The following SERINC5 variants were observed in gnomAD, a reference collection of about 807,000 sequenced individuals.
SERINC5 encodes the protein chromosome 5 open reading frame 12.
In SERINC5, 41 loss-of-function variants were observed where a neutral mutation model predicts 63.1. That is an observed-to-expected ratio of 0.65 (90% CI 0.51 to 0.84). The LOEUF (loss-of-function observed/expected upper bound fraction) is 0.84, where lower values mean the gene tolerates loss of function less well. Ranked by LOEUF, SERINC5 falls within the 40% of genes least tolerant of loss-of-function variation. SERINC5 has a pLI of 0.00. For missense variants in SERINC5, 523 were observed against 573.0 expected (o/e 0.91, Z 0.89); for synonymous variants, 222 against 215.2 (o/e 1.03, Z -0.28).
chr5:80,213,043 G>C (rs1358614835), intron 1 of SERINC5, among the ~76,000 whole-genome samples: 1 of 152,094 alleles, frequency 6.6e-6, no homozygotes, highest in Non-Finnish European at 1.5e-5. Flanking sequence ...TCAGGAGTTT[G>C]AGACCAGCCT....
At chr5:80,255,834 C>A in intron 1 of SERINC5, 62 bp downstream of exon 1, 1 of 1,558,016 alleles carries the variant, frequency 6.4e-7, no homozygotes, top group Middle Eastern at 2.3e-4. Context: ...GTCCTCCACG[C>A]CTGGACTCCT....
chr5:80,140,909 A>C lies in SERINC5; in HGVS notation c.*2754T>G. On this transcript the variant is annotated 3_prime_UTR_variant, in exon 12 of 12. Transcript: ENST00000507668. ...TATACTCTTTAGGTCATGTACAAAA[A>C]GGTGTAGGAAGCAAATGTCTATTAT... 1 of 985,260 alleles carries C rather than the reference A, an allele frequency of 1.0e-6. No individual in the cohort carries two copies. Among genetic ancestry groups the C allele is most frequent in the Non-Finnish European group, 1.2e-6 (1 of 829,792 alleles). The allele number at this position is 985,260 out of a possible 1,614,324, so 61.0% of individuals were successfully genotyped here.
intron 8 of SERINC5, among the ~76,000 whole-genome samples, chr5:80,155,363 G>A (rs1746450806): frequency 6.6e-6 from 1 of 152,124 alleles, no homozygotes; most frequent in African/African-American, 2.4e-5. Flanking sequence ...TTGGGAGTTC[G>A]AGACCAGCCT....
chr5:80,119,455 A>G (rs1744457125), intron 11 of SERINC5, among the ~76,000 whole-genome samples: 1 of 152,222 alleles, frequency 6.6e-6, no homozygotes, highest in African/African-American at 2.4e-5. Context: ...TAAGCAGTGC[A>G]GGGATCAGCT....
At chr5:80,170,701 C>G (rs548827205) in intron 5 of SERINC5, among the ~76,000 whole-genome samples, 1 of 152,182 alleles carries the variant, frequency 6.6e-6, no homozygotes, top group Non-Finnish European at 1.5e-5. Flanking sequence ...AAACACAGAG[C>G]CCCGAAGCGC....
At chr5:80,124,712 C>G (rs974205054) in intron 11 of SERINC5, among the ~76,000 whole-genome samples, 6 of 152,172 alleles carry the variant, frequency 3.9e-5, no homozygotes, top group African/African-American at 1.4e-4. Context: ...TGACCATGGA[C>G]AGGGCCTGTG....
At chr5:80,182,550 CCCCCCT>C (rs1748515400) in intron 2 of SERINC5, among the ~76,000 whole-genome samples, 1 of 140,656 alleles carries the variant, frequency 7.1e-6, no homozygotes, top group African/African-American at 2.6e-5. Context: ...GACCGCCCCC[CCCCCCT>C]CCGCTTTTTT....
chr5:80,214,073 G>C lies in SERINC5; in HGVS notation c.28-11020C>G, dbSNP rs1750554299. On this transcript the variant is annotated intron_variant, in intron 1 of 11. Transcript: ENST00000507668. The stretch of plus-strand genomic sequence containing the variant: ...TAGATTTAAGATCAGTTAAATTACA[G>C]AAGGTTCATGTTGTAGAATATAATA... 9.2e-5 allele frequency among the ~76,000 whole-genome samples: 14 copies of C among 152,292 alleles called. No individual in the cohort carries two copies. The South Asian group carries it at 2.9e-3, about 32-fold the overall frequency.
At chr5:80,121,344 C>G (rs759556820) in intron 11 of SERINC5, among the ~76,000 whole-genome samples, 1 of 152,156 alleles carries the variant, frequency 6.6e-6, no homozygotes, top group Non-Finnish European at 1.5e-5. Context: ...TCTCACATGG[C>G]AGAGTAGAAT....
chr5:80,207,670 T>C (rs150072672), intron 1 of SERINC5, among the ~76,000 whole-genome samples: 5 of 152,336 alleles, frequency 3.3e-5, no homozygotes, highest in Non-Finnish European at 7.3e-5. Context: ...ATTACAAATA[T>C]ACATATGTAC....
intron 11 of SERINC5, chr5:80,128,818 A>G (rs1744836118): frequency 6.6e-6 from 1 of 152,156 alleles, no homozygotes; most frequent in East Asian, 1.9e-4. Context: ...CTGGAACATT[A>G]TAAGGAAATC....
At chr5:80,168,453 A>G (rs60704460) in intron 6 of SERINC5, among the ~76,000 whole-genome samples, 45,754 of 152,046 alleles carry the variant, frequency 0.3, 8,181 homozygotes, top group African/African-American at 0.5. Flanking sequence ...TGCCTGCCTC[A>G]GCCTCCCAAA....
At chr5:80,188,676 C>T (rs1580137455) in intron 2 of SERINC5, among the ~76,000 whole-genome samples, 2 of 151,990 alleles carry the variant, frequency 1.3e-5, no homozygotes, top group Non-Finnish European at 2.9e-5. Context: ...ACTTGAGCCC[C>T]GGAGTTCAAG....
chr5:80,150,278 C>T (rs1344078984), intron 9 of SERINC5, among the ~76,000 whole-genome samples: 4 of 152,066 alleles, frequency 2.6e-5, no homozygotes, highest in East Asian at 3.9e-4. Context: ...AAGGGAAGAG[C>T]GCAGGGTGCA....
In SERINC5 at chr5:80,142,262, T is replaced by C. The variant is rs967518473; in HGVS notation, c.*1401A>G. 26 of 985,358 alleles carry C rather than the reference T, an allele frequency of 2.6e-5. No homozygotes were observed. In the African/African-American group the frequency reaches 4.4e-4, roughly 17 times the overall value. The allele number at this position is 985,358 out of a possible 1,614,324, so 61.0% of individuals were successfully genotyped here. A position where few individuals can be genotyped will look rare whatever the true frequency, so the allele number is the denominator to read the frequency against. On this transcript the variant is annotated 3_prime_UTR_variant, in exon 12 of 12. Coordinates refer to ENST00000507668, the MANE Select transcript of SERINC5 (RefSeq NM_001174072.3). ...CGAAAGTCACGTTTCTGTATTACTT[T>C]GCAAGTACGTATTTTGGAAATTCCT...
At chr5:80,227,832 G>C (rs541288362) in intron 1 of SERINC5, among the ~76,000 whole-genome samples, 2 of 152,168 alleles carry the variant, frequency 1.3e-5, no homozygotes, top group East Asian at 3.9e-4. Flanking sequence ...CTGGACGACA[G>C]AGTGAGACCC....
intron 1 of SERINC5, among the ~76,000 whole-genome samples, chr5:80,226,059 C>T (rs1469774742): frequency 6.6e-6 from 1 of 151,590 alleles, no homozygotes; most frequent in Non-Finnish European, 1.5e-5. Context: ...AAAAAACCAC[C>T]CCCCTGCCTT....
rs377246578 is a variant in SERINC5 at position 80,169,383 on chromosome 5, G to A, written c.715C>T (p.Leu239=). 35 of 1,613,888 alleles carry A rather than the reference G, an allele frequency of 2.2e-5. No homozygotes were observed. The African/African-American group carries it at 3.7e-4, about 17-fold the overall frequency. ...GCTACCAATGATATAAGCAGGCACAGGCCTCCATTTACTCCCAGCAGAATT... is the reference window on the plus strand; with the variant it reads ...GCTACCAATGATATAAGCAGGCACAAGCCTCCATTTACTCCCAGCAGAATT... ...NKILLGVNGG[L]CLLISLVAIS... The change falls in exon 6 of 12, where the codon CTG becomes TTG. Residue 239 remains leucine, a synonymous_variant. Transcript: ENST00000507668.
chr5:80,120,402 C>T (rs2112231806), intron 11 of SERINC5, among the ~76,000 whole-genome samples: 1 of 152,236 alleles, frequency 6.6e-6, no homozygotes, highest in South Asian at 2.1e-4. Context: ...ATGGAAGGAG[C>T]CTGTATGCCT....
Sources: allele counts gnomAD v4.1 joint callset (sites outside exome capture counted in the v4.1 genomes callset), GRCh38; gene constraint gnomAD v4.1.1; transcripts MANE v1.5; gene names NCBI Gene and HGNC (gene_info 2026-07-23, HGNC 2026-07-21).